GPR158: variants seen among roughly 807,000 people sequenced by gnomAD.
GPR158 encodes the protein G protein-coupled receptor 158, also known as metabotropic glycine receptor.
A neutral mutation model predicts 78.2 loss-of-function variants in GPR158; 30 were observed. The ratio of observed to expected loss-of-function variants is 0.38; its 90% CI spans 0.29 to 0.52. GPR158 has a LOEUF of 0.52. Ranked by LOEUF, GPR158 falls within the 20% of genes least tolerant of loss-of-function variation. GPR158 has a pLI of 0.83. For missense variants in GPR158, 1,463 were observed against 1,523.5 expected (o/e 0.96, Z 0.66); for synonymous variants, 581 against 591.1 (o/e 0.98, Z 0.25).
intron 2 of GPR158, among the ~76,000 whole-genome samples, chr10:25,229,623 G>A (rs79754110): frequency 0.054 from 8,226 of 151,984 alleles, 240 homozygotes; most frequent in African/African-American, 0.078. Flanking sequence ...GGTAAAACTG[G>A]GATTAGAATC....
chr10:25,313,662 A>T (rs1031955605), intron 2 of GPR158, among the ~76,000 whole-genome samples: 2 of 152,152 alleles, frequency 1.3e-5, no homozygotes, highest in African/African-American at 4.8e-5. Context: ...TTAACCCATT[A>T]CTATAGTTCT....
chr10:25,366,410 C>G (rs55948520), intron 2 of GPR158, among the ~76,000 whole-genome samples: 21,445 of 151,534 alleles, frequency 0.14, 1,843 homozygotes, highest in African/African-American at 0.24. Context: ...ATTTTGATGA[C>G]TGAGCACTGG....
At chr10:25,532,114 T>G (rs571889276) in intron 5 of GPR158, among the ~76,000 whole-genome samples, 3 of 152,356 alleles carry the variant, frequency 2.0e-5, no homozygotes, top group African/African-American at 7.2e-5. Context: ...TTGTGGTTTT[T>G]GGAACCTGTT....
At chr10:25,407,810 T>C (rs1834534302) in intron 3 of GPR158, among the ~76,000 whole-genome samples, 1 of 152,122 alleles carries the variant, frequency 6.6e-6, no homozygotes, top group Admixed American at 6.5e-5. Context: ...TACAGTAGCT[T>C]CTCACCACTA....
At chr10:25,207,480 G>T (rs1418245846) in intron 1 of GPR158, among the ~76,000 whole-genome samples, 3 of 152,152 alleles carry the variant, frequency 2.0e-5, no homozygotes, top group African/African-American at 7.2e-5. Flanking sequence ...GGATGAAACT[G>T]TTCCACTTCA....
chr10:25,229,234 A>C (rs754949335), intron 2 of GPR158, among the ~76,000 whole-genome samples: 1 of 152,026 alleles, frequency 6.6e-6, no homozygotes, highest in African/African-American at 2.4e-5. Flanking sequence ...CCTTGAGCAT[A>C]CCTGTGAGGA....
At chr10:25,528,910 A>G (rs1055603868) in intron 5 of GPR158, among the ~76,000 whole-genome samples, 1 of 152,236 alleles carries the variant, frequency 6.6e-6, no homozygotes, top group African/African-American at 2.4e-5. Flanking sequence ...TGGCCTAAGG[A>G]GAGAGAAATA....
At chr10:25,553,314 G>A (rs901419082) in intron 6 of GPR158, among the ~76,000 whole-genome samples, 10 of 152,062 alleles carry the variant, frequency 6.6e-5, no homozygotes, top group East Asian at 1.9e-4. Flanking sequence ...AAAACTATTC[G>A]AAATTAAAAC....
At chr10:25,227,180 A>G (rs893969746) in intron 2 of GPR158, among the ~76,000 whole-genome samples, 4 of 152,162 alleles carry the variant, frequency 2.6e-5, no homozygotes, top group African/African-American at 7.2e-5. Flanking sequence ...CTGTGCTAAA[A>G]CCACTGAGCT....
chr10:25,356,415 T>C (rs112535440), intron 2 of GPR158, among the ~76,000 whole-genome samples: 2,718 of 152,060 alleles, frequency 0.018, 28 homozygotes, highest in African/African-American at 0.028. Flanking sequence ...GTTGACTTAT[T>C]GGTTGTTTAA....
intron 4 of GPR158, among the ~76,000 whole-genome samples, chr10:25,429,843 T>G (rs1480854821): frequency 2.1e-5 from 3 of 142,244 alleles, no homozygotes; most frequent in African/African-American, 8.1e-5. Flanking sequence ...ATAAATTAGG[T>G]ATTGATGGGA....
intron 4 of GPR158, among the ~76,000 whole-genome samples, chr10:25,459,128 A>T (rs1402529367): frequency 6.6e-6 from 1 of 152,124 alleles, no homozygotes; most frequent in African/African-American, 2.4e-5. Context: ...CTTTAGGATC[A>T]CCTTTTACAT....
intron 2 of GPR158, among the ~76,000 whole-genome samples, chr10:25,235,269 A>T (rs184049605): frequency 6.6e-6 from 1 of 152,174 alleles, no homozygotes; most frequent in South Asian, 2.1e-4. Flanking sequence ...CACTTGTGAT[A>T]TAAATTTTAC....
chr10:25,198,289 C>T (rs1852870241), intron 1 of GPR158, among the ~76,000 whole-genome samples: 1 of 152,202 alleles, frequency 6.6e-6, no homozygotes, highest in Non-Finnish European at 1.5e-5. Flanking sequence ...GCCAGAAAGA[C>T]TTCCAAGAAC....
chr10:25,594,943 TA>T lies in GPR158; in HGVS notation c.1998+547del, dbSNP rs1837381763. Among the ~76,000 whole-genome samples the T allele has an allele frequency of 3.9e-5, 6 of 152,296 alleles. No homozygotes were observed. In the South Asian group the frequency reaches 1.0e-3, roughly 26 times the overall value. ...GACCTTCCAGAAACTGGCTGTGTGT[TA>T]TGACACTAGCCAGGACTTTTGATTT... On this transcript the variant is annotated intron_variant, in intron 9 of 10. Transcript: ENST00000376351.
intron 3 of GPR158, among the ~76,000 whole-genome samples, chr10:25,411,819 A>G (rs1834589216): frequency 6.6e-6 from 1 of 151,468 alleles, no homozygotes; most frequent in African/African-American, 2.4e-5. Context: ...CCTGTAGTCC[A>G]GCTACTCGGG....
intron 2 of GPR158, among the ~76,000 whole-genome samples, chr10:25,269,792 A>G (rs1041132239): frequency 2.6e-5 from 4 of 152,210 alleles, no homozygotes; most frequent in Non-Finnish European, 4.4e-5. Flanking sequence ...AAGTTGTTGC[A>G]TATATTGTCA....
At chr10:25,408,812 T>G (rs1172371368) in intron 3 of GPR158, among the ~76,000 whole-genome samples, 2 of 152,162 alleles carry the variant, frequency 1.3e-5, no homozygotes, top group African/African-American at 2.4e-5. Flanking sequence ...TCCTGAAGGT[T>G]TTGAATGGCT....
intron 2 of GPR158, among the ~76,000 whole-genome samples, chr10:25,385,430 G>A (rs1319011291): frequency 1.3e-5 from 2 of 152,002 alleles, no homozygotes; most frequent in East Asian, 3.8e-4. Flanking sequence ...TATGAATATG[G>A]GTATGCAAAT....
Sources: allele counts gnomAD v4.1 joint callset (sites outside exome capture counted in the v4.1 genomes callset), GRCh38; gene constraint gnomAD v4.1.1; transcripts MANE v1.5; gene names NCBI Gene and HGNC (gene_info 2026-07-23, HGNC 2026-07-21).